LDLRAD4: variants seen among roughly 807,000 people sequenced by gnomAD.
LDLRAD4 encodes the protein low-density lipoprotein receptor class A domain-containing protein 4.
A neutral mutation model predicts 17.0 loss-of-function variants in LDLRAD4; 5 were observed. That is an observed-to-expected ratio of 0.29 (90% CI 0.15 to 0.62). The LOEUF (loss-of-function observed/expected upper bound fraction) is 0.62, where lower values mean the gene tolerates loss of function less well. LDLRAD4 is among the 20% of genes least tolerant of loss of function. The pLI is 0.84. For missense variants in LDLRAD4, 340 were observed against 424.7 expected, an observed-to-expected ratio of 0.80 and a Z score of 1.75; for synonymous variants, 168 against 171.8, an observed-to-expected ratio of 0.98 and a Z score of 0.17.
chr18:13,635,667 A>C (rs1601842777), intron 4 of LDLRAD4, among the ~76,000 whole-genome samples: 6 of 152,372 alleles, frequency 3.9e-5, no homozygotes, highest in Admixed American at 3.9e-4. Flanking sequence ...AGATTGCTCA[A>C]GTGTAAAGGA....
At chr18:13,551,045 T>C (rs1256152384) in intron 3 of LDLRAD4, among the ~76,000 whole-genome samples, 3 of 152,102 alleles carry the variant, frequency 2.0e-5, no homozygotes, top group African/African-American at 7.2e-5. Flanking sequence ...GCCCTTCTTA[T>C]CTTCCGTGTG....
intron 1 of LDLRAD4, among the ~76,000 whole-genome samples, chr18:13,245,121 G>C (rs2042891501): frequency 6.6e-6 from 1 of 152,182 alleles, no homozygotes; most frequent in Non-Finnish European, 1.5e-5. Flanking sequence ...AGCGTCATGA[G>C]GGAAAATGTG....
chr18:13,360,171 C>A lies in LDLRAD4; in HGVS notation c.-382-27170C>A, dbSNP rs573112344. Among the ~76,000 whole-genome samples, 15 of 152,280 alleles carry A rather than the reference C, an allele frequency of 9.9e-5. No homozygotes were observed. In the South Asian group the frequency reaches 3.1e-3, roughly 32 times the overall value. The stretch of plus-strand genomic sequence containing the variant: ...TCCACCAAGCTGGCCTTGCTTGGGA[C>A]CCAGGCTTCTGACCTTCCTGCAGGT... On this transcript the variant is annotated intron_variant, in intron 1 of 5. Coordinates refer to ENST00000359446, the Ensembl canonical transcript of LDLRAD4.
At chr18:13,349,165 T>A (rs2082893767) in intron 1 of LDLRAD4, among the ~76,000 whole-genome samples, 1 of 152,234 alleles carries the variant, frequency 6.6e-6, no homozygotes, top group South Asian at 2.1e-4. Flanking sequence ...TCTGCGTTGC[T>A]CACGCTGGGA....
At chr18:13,642,478 C>T in intron 4 of LDLRAD4, 2 of 1,210,446 alleles carry the variant, frequency 1.7e-6, no homozygotes, top group Non-Finnish European at 2.1e-6. Context: ...GTCAATCTGG[C>T]CAAACGTTTT....
At chr18:13,397,430 A>G (rs2086794869) in intron 2 of LDLRAD4, among the ~76,000 whole-genome samples, 1 of 152,170 alleles carries the variant, frequency 6.6e-6, no homozygotes, top group Non-Finnish European at 1.5e-5. Context: ...TAATTTTTAA[A>G]AACTTTAATG....
intron 1 of LDLRAD4, among the ~76,000 whole-genome samples, chr18:13,356,171 G>A (rs1306608328): frequency 6.6e-6 from 1 of 152,222 alleles, no homozygotes. Flanking sequence ...CCAGTATTAG[G>A]CACTGTTGGC....
rs367805996 is a variant in LDLRAD4, at chr18:13,564,580, TAA to T, written c.182-56512_182-56511del. Among the ~76,000 whole-genome samples, 208 of 82,458 alleles carry T rather than the reference TAA, an allele frequency of 2.5e-3. 1 individual carries two copies. The highest frequency in any genetic ancestry group is 8.7e-3 in the African/African-American group (186 of 21,272). 54.1% of individuals were successfully genotyped at this position (82,458 alleles called of 152,430 possible). A position where few individuals can be genotyped will look rare whatever the true frequency, so the allele number is the denominator to read the frequency against. ...AGTTCATTTTTGTGTTCCCATTTTC[TAA>T]AAAAAAAAAAAAAAAAAAAAAAAAC... On this transcript the variant is annotated intron_variant, in intron 3 of 5. Transcript: ENST00000359446.
chr18:13,444,767 T>C (rs1452001478), intron 3 of LDLRAD4, among the ~76,000 whole-genome samples: 1 of 152,230 alleles, frequency 6.6e-6, no homozygotes. Flanking sequence ...GGCATGGCCC[T>C]GTAAATATTT....
intron 3 of LDLRAD4, among the ~76,000 whole-genome samples, chr18:13,449,659 C>T (rs149430482): frequency 1.3e-5 from 2 of 152,262 alleles, no homozygotes; most frequent in East Asian, 3.8e-4. Context: ...GCGCTATCTC[C>T]TTCATCCTTA....
At chr18:13,401,449 C>T (rs1005655920) in intron 2 of LDLRAD4, among the ~76,000 whole-genome samples, 12 of 151,326 alleles carry the variant, frequency 7.9e-5, no homozygotes, top group African/African-American at 2.9e-4. Flanking sequence ...AGGGTTACTG[C>T]ACTTTATGTA....
At chr18:13,249,532 A>T (rs538879034) in intron 1 of LDLRAD4, among the ~76,000 whole-genome samples, 16 of 151,552 alleles carry the variant, frequency 1.1e-4, no homozygotes, top group African/African-American at 3.1e-4. Context: ...ATATTTGTTA[A>T]TCATTTGTAT....
intron 3 of LDLRAD4, among the ~76,000 whole-genome samples, chr18:13,512,995 G>C (rs7234036): frequency 0.087 from 13,308 of 152,298 alleles, 1,082 homozygotes; most frequent in African/African-American, 0.21. Context: ...TGCAGTGGAT[G>C]AAGTTTGGCC....
At chr18:13,603,345 G>A (rs990669102) in intron 3 of LDLRAD4, among the ~76,000 whole-genome samples, 2 of 152,116 alleles carry the variant, frequency 1.3e-5, no homozygotes, top group East Asian at 1.9e-4. Context: ...TTCATTCCTC[G>A]AGCCTTTTAA....
chr18:13,273,702 C>G (rs1018376131), upstream of LDLRAD4, among the ~76,000 whole-genome samples: 3 of 152,232 alleles, frequency 2.0e-5, no homozygotes, highest in Admixed American at 6.5e-5. Flanking sequence ...AACTTTTGCC[C>G]AAACAAATTT....
chr18:13,244,196 C>T (rs1347605826), intron 1 of LDLRAD4, among the ~76,000 whole-genome samples: 5 of 140,764 alleles, frequency 3.6e-5, no homozygotes, highest in Non-Finnish European at 7.7e-5. Flanking sequence ...ACCATCCATT[C>T]ATCCATCCAT....
At chr18:13,270,682 C>T (rs959576821) in intron 1 of LDLRAD4, among the ~76,000 whole-genome samples, 3 of 152,178 alleles carry the variant, frequency 2.0e-5, no homozygotes, top group Non-Finnish European at 4.4e-5. Flanking sequence ...CTGGACCCTG[C>T]ATGGTTGTGC....
At position 13,422,080 on chromosome 18, in the gene LDLRAD4, A is replaced by G. The variant is rs186222294; in HGVS notation, c.41-16164A>G. Among the ~76,000 whole-genome samples the G allele has an allele frequency of 5.4e-3, 823 of 152,370 alleles. 8 individuals are homozygous for G. The highest frequency in any genetic ancestry group is 0.019 in the African/African-American group (777 of 41,584). On this transcript the variant is annotated intron_variant, in intron 2 of 5. Transcript: ENST00000359446. The stretch of plus-strand genomic sequence containing the variant: ...TGTTGTGAGGGGTCAGTTACCGTTT[A>G]TCTAAGTATTACTGAATTAATAGCA...
chr18:13,323,557 G>C (rs930187199), intron 1 of LDLRAD4, among the ~76,000 whole-genome samples: 1 of 152,134 alleles, frequency 6.6e-6, no homozygotes, highest in Non-Finnish European at 1.5e-5. Flanking sequence ...TTAAGGAGGC[G>C]CCAAACTCCA....
Sources: allele counts gnomAD v4.1 joint callset (sites outside exome capture counted in the v4.1 genomes callset), GRCh38; gene constraint gnomAD v4.1.1; transcripts MANE v1.5; gene names NCBI Gene and HGNC (gene_info 2026-07-23, HGNC 2026-07-21).